The following CACNA2D1 variants were observed in gnomAD, a reference collection of about 807,000 sequenced individuals.
CACNA2D1 encodes the protein calcium voltage-gated channel auxiliary subunit alpha2delta 1, also known as voltage-dependent calcium channel subunit alpha-2/delta-1.
CACNA2D1 carries 53 observed loss-of-function variants against 171.5 expected under a neutral mutation model. The observed-to-expected ratio is 0.31, with a 90% CI of 0.25 to 0.39. The LOEUF (loss-of-function observed/expected upper bound fraction) is 0.39, where lower values mean the gene tolerates loss of function less well. Among genes scored for constraint, CACNA2D1 ranks in the 10% least tolerant of loss-of-function variants. The probability of loss-of-function intolerance (pLI) is 1.00; values close to 1 mark genes in which losing one functional copy is unlikely to be tolerated. For missense variants in CACNA2D1, 903 were observed against 1,299.8 expected (o/e 0.69, Z 4.69); for synonymous variants, 442 against 443.1 (o/e 1.00, Z 0.03).
intron 5 of CACNA2D1, among the ~76,000 whole-genome samples, chr7:82,119,422 T>G (rs1031689322): frequency 6.6e-6 from 1 of 152,164 alleles, no homozygotes; most frequent in Non-Finnish European, 1.5e-5. Context: ...TAATGTTGGA[T>G]GAGGAGGTCA....
intron 1 of CACNA2D1, among the ~76,000 whole-genome samples, chr7:82,410,262 G>T (rs1013863729): frequency 2.0e-5 from 3 of 152,124 alleles, no homozygotes; most frequent in African/African-American, 7.2e-5. Context: ...TACAAGAAAA[G>T]GTATGTTTGT....
At chr7:82,138,496 GA>G (rs2129082812) in intron 4 of CACNA2D1, among the ~76,000 whole-genome samples, 1 of 144,144 alleles carries the variant, frequency 6.9e-6, no homozygotes, top group East Asian at 2.1e-4. Context: ...GCCCAGGCTG[GA>G]GTGCAGTGGC....
intron 5 of CACNA2D1, among the ~76,000 whole-genome samples, chr7:82,119,253 G>A (rs1789436560): frequency 6.6e-6 from 1 of 152,080 alleles, no homozygotes; most frequent in African/African-American, 2.4e-5. Context: ...ATATACAAAT[G>A]TGTACAGAGA....
At chr7:82,146,757 C>A (rs1363590724) in intron 4 of CACNA2D1, among the ~76,000 whole-genome samples, 2 of 150,662 alleles carry the variant, frequency 1.3e-5, no homozygotes, top group African/African-American at 4.9e-5. Context: ...GAGGCCGAGG[C>A]GGGTAGATCA....
At chr7:82,114,135 T>C (rs183948257) in intron 6 of CACNA2D1, among the ~76,000 whole-genome samples, 2,299 of 152,274 alleles carry the variant, frequency 0.015, 33 homozygotes, top group Middle Eastern at 0.048. Context: ...CACAAATTAA[T>C]TTGTGTATGT....
At chr7:82,064,230 T>TC in intron 9 of CACNA2D1, 74 bp downstream of exon 9, 1 of 1,007,758 alleles carries the variant, frequency 9.9e-7, no homozygotes, top group South Asian at 1.4e-5. Context: ...CCTTTCTTAG[T>TC]CCCACCATAC....
chr7:82,113,068 A>AAATAAT (rs1788640114), intron 6 of CACNA2D1, among the ~76,000 whole-genome samples: 1 of 152,146 alleles, frequency 6.6e-6, no homozygotes, highest in Non-Finnish European at 1.5e-5. Flanking sequence ...TCTAAAACGT[A>AAATAAT]AATAATAATT....
chr7:82,235,542 A>G (rs1803485432), intron 3 of CACNA2D1, among the ~76,000 whole-genome samples: 1 of 152,148 alleles, frequency 6.6e-6, no homozygotes, highest in African/African-American at 2.4e-5. Flanking sequence ...ATTTTGTTAT[A>G]CCAAGGAAGC....
intron 4 of CACNA2D1, among the ~76,000 whole-genome samples, chr7:82,148,486 G>A (rs80201949): frequency 0.015 from 2,358 of 152,244 alleles, 56 homozygotes; most frequent in African/African-American, 0.052. Context: ...GAGAGCAAAG[G>A]AGGTGTGTTT....
At chr7:82,255,591 T>A (rs544482622) in intron 3 of CACNA2D1, among the ~76,000 whole-genome samples, 19 of 152,304 alleles carry the variant, frequency 1.2e-4, no homozygotes, top group African/African-American at 4.6e-4. Context: ...AGAACTTCTT[T>A]AAAAGCCCAA....
At chr7:82,199,516 T>C (rs1799194771) in intron 3 of CACNA2D1, among the ~76,000 whole-genome samples, 1 of 152,094 alleles carries the variant, frequency 6.6e-6, no homozygotes, top group Non-Finnish European at 1.5e-5. Context: ...TTTATATGAG[T>C]TATTTCAGTA....
chr7:82,038,109 C>T lies in CACNA2D1; in HGVS notation c.1006G>A (p.Gly336Ser), dbSNP rs1256731208. 6.2e-7 allele frequency: 1 copy of T among 1,613,638 alleles called. No homozygotes were observed. Among genetic ancestry groups the T allele is most frequent in the South Asian group, 1.1e-5 (1 of 91,066 alleles). Reference sequence around the variant, plus strand: ...AGCTGTTCAAAAGCAAAACTAAAGCCCTTCTTATAATCTGTAATTCCTTTG... The same window carrying T: ...AGCTGTTCAAAAGCAAAACTAAAGCTCTTCTTATAATCTGTAATTCCTTTG... ...TAKGITDYKKGFSFAFEQLLN... is the reference protein window; with the variant it reads ...TAKGITDYKKSFSFAFEQLLN... The change falls in exon 11 of 39, where the codon GGC becomes AGC. Residue 336 changes from glycine (G) to serine (S), a missense_variant. By Grantham distance (56) the Gly-to-Ser change is moderately conservative. This residue lies in a region of CACNA2D1 where 623 missense variants were observed against 925.5 expected (regional missense o/e 0.67). Coordinates refer to ENST00000356860, the MANE Select transcript of CACNA2D1 (RefSeq NM_000722.4).
At chr7:82,365,374 CAT>C (rs1176387726) in intron 1 of CACNA2D1, among the ~76,000 whole-genome samples, 1 of 152,190 alleles carries the variant, frequency 6.6e-6, no homozygotes, top group Non-Finnish European at 1.5e-5. Flanking sequence ...TATGATGAAA[CAT>C]ATGATTACTT....
intron 1 of CACNA2D1, among the ~76,000 whole-genome samples, chr7:82,392,396 C>G (rs1324446654): frequency 1.3e-5 from 2 of 152,302 alleles, no homozygotes; most frequent in Non-Finnish European, 2.9e-5. Context: ...TTCTTCTCTG[C>G]CACACTCAGC....
At chr7:82,238,590 GA>G (rs973490708) in intron 3 of CACNA2D1, among the ~76,000 whole-genome samples, 2 of 151,758 alleles carry the variant, frequency 1.3e-5, no homozygotes, top group African/African-American at 4.8e-5. Context: ...CAACGTTGCA[GA>G]AAAAAAAGAA....
At chr7:82,314,601 T>C (rs1397786006) in intron 3 of CACNA2D1, among the ~76,000 whole-genome samples, 1 of 152,204 alleles carries the variant, frequency 6.6e-6, no homozygotes, top group Non-Finnish European at 1.5e-5. Flanking sequence ...ACTCAAACGT[T>C]TGCATGCCAC....
intron 3 of CACNA2D1, among the ~76,000 whole-genome samples, chr7:82,213,856 T>C (rs1800821648): frequency 6.6e-6 from 1 of 152,164 alleles, no homozygotes; most frequent in Non-Finnish European, 1.5e-5. Flanking sequence ...CCTGTCTTCA[T>C]CTACTCAGGC....
chr7:82,034,233 T>C (rs1193057592), intron 11 of CACNA2D1, among the ~76,000 whole-genome samples: 4 of 152,140 alleles, frequency 2.6e-5, no homozygotes, highest in Non-Finnish European at 5.9e-5. Context: ...TTGTACAGCA[T>C]GGCACAGCCC....
At chr7:82,433,229 T>C (rs917455216) in intron 1 of CACNA2D1, among the ~76,000 whole-genome samples, 2 of 151,630 alleles carry the variant, frequency 1.3e-5, no homozygotes, top group Admixed American at 1.3e-4. Context: ...TAAAACTACA[T>C]GAATCTTTAA....
Sources: allele counts gnomAD v4.1 joint callset (sites outside exome capture counted in the v4.1 genomes callset), GRCh38; gene constraint gnomAD v4.1.1; regional missense constraint gnomAD v4.1.1; transcripts MANE v1.5; gene names NCBI Gene and HGNC (gene_info 2026-07-23, HGNC 2026-07-21).